Variants in S1PR2 observed in about 807,000 individuals in gnomAD.
The protein encoded by S1PR2 is sphingosine-1-phosphate receptor 2.
S1PR2 carries 9 observed loss-of-function variants against 16.1 expected under a neutral mutation model. That is an observed-to-expected ratio of 0.56 (90% CI 0.34 to 0.98). The LOEUF is 0.98. Ranked by LOEUF, S1PR2 falls within the 50% of genes least tolerant of loss-of-function variation. The pLI is 0.02. For missense variants in S1PR2, 361 were observed against 488.4 expected (o/e 0.74, Z 2.46); for synonymous variants, 224 against 233.9 (o/e 0.96, Z 0.38).
chr19:10,227,747 CT>C (rs1271197028), intron 1 of S1PR2, among the ~76,000 whole-genome samples: 1 of 152,182 alleles, frequency 6.6e-6, no homozygotes, highest in Non-Finnish European at 1.5e-5. Context: ...CGATGGGGTC[CT>C]TTATAGGCGA....
intron 1 of S1PR2, among the ~76,000 whole-genome samples, chr19:10,227,868 G>A (rs750147746): frequency 6.6e-6 from 1 of 152,124 alleles, no homozygotes; most frequent in South Asian, 2.1e-4. Context: ...CCCCCAGGCT[G>A]CCCTGGCCTG....
At chr19:10,230,844 G>T (rs910161028) in intron 1 of S1PR2, among the ~76,000 whole-genome samples, 1 of 152,230 alleles carries the variant, frequency 6.6e-6, no homozygotes, top group Non-Finnish European at 1.5e-5. Flanking sequence ...CGCTCAGCCG[G>T]AGTCAGCCAG....
chr19:10,223,684 GCCTTATCT>G lies in S1PR2; in HGVS notation c.*152_*159del. 1.5e-6 allele frequency: 1 copy of G among 671,410 alleles called. No homozygotes were observed. The highest frequency in any genetic ancestry group is 2.7e-5 in the East Asian group (1 of 36,432). The allele number at this position is 671,410 out of a possible 1,614,324, so 41.6% of individuals were successfully genotyped here. On this transcript the variant is annotated 3_prime_UTR_variant, in exon 2 of 2. Transcript: ENST00000646641. ...CAACACTGCTATGTGACTAGTCAGTGCCTTATCTGGCCTTTCCAGGTGTGAAATATTTG... is the reference window on the plus strand; with the variant it reads ...CAACACTGCTATGTGACTAGTCAGTGGGCCTTTCCAGGTGTGAAATATTTG...
chr19:10,229,795 C>T (rs186063665), intron 1 of S1PR2, among the ~76,000 whole-genome samples: 1 of 152,182 alleles, frequency 6.6e-6, no homozygotes, highest in African/African-American at 2.4e-5. Context: ...TTTCTAATCA[C>T]AGAATCTCGT....
rs570311109 is a variant in S1PR2 at position 10,226,251 on chromosome 19, T to C, written c.-42-1304A>G. ...CTTGAGGCCACGGGTGCTCCCAAGA[T>C]AAGGTCTTGGGGAGACACCAGGGCG... On this transcript the variant is annotated intron_variant, in intron 1 of 1. Coordinates refer to ENST00000646641, the MANE Select transcript of S1PR2 (RefSeq NM_004230.4). 1.2e-4 allele frequency among the ~76,000 whole-genome samples: 19 copies of C among 152,274 alleles called. 1 individual carries two copies. The South Asian group carries it at 3.9e-3, about 32-fold the overall frequency.
At position 10,224,324 on chromosome 19, in the gene S1PR2, C is replaced by A; in HGVS notation, c.582G>T (p.Val194=). ...ACAGGATGATGGAGAAGATGGTCAC[C>A]ACGCACAGCACATAATGCTTGGCGT... ...PLYAKHYVLC[V]VTIFSIILLA... Residue 194 remains valine, a synonymous_variant, in exon 2 of 2, where the codon GTG becomes GTT. Coordinates refer to ENST00000646641, the MANE Select transcript of S1PR2 (RefSeq NM_004230.4). 6.2e-7 allele frequency: 1 copy of A among 1,614,138 alleles called. No homozygotes were observed. The highest frequency in any genetic ancestry group is 8.5e-7 in the Non-Finnish European group (1 of 1,180,042).
intron 1 of S1PR2, among the ~76,000 whole-genome samples, chr19:10,230,872 C>A (rs573674327): frequency 4.6e-5 from 7 of 152,324 alleles, no homozygotes; most frequent in East Asian, 3.9e-4. Context: ...GTTGCCCCCC[C>A]CCAAACACAC....
intron 1 of S1PR2, among the ~76,000 whole-genome samples, chr19:10,229,295 ATTTTTT>A (rs923300373): frequency 1.6e-4 from 24 of 146,898 alleles, no homozygotes; most frequent in Middle Eastern, 3.6e-3. Flanking sequence ...CAAAAAAAAA[ATTTTTT>A]TTTTTTGAGA....
Position 10,230,925 on chromosome 19 carries a change from A to G in S1PR2, c.-43+279T>C, listed in dbSNP as rs555697346. Among the ~76,000 whole-genome samples, 3 of 152,198 alleles carry G rather than the reference A, an allele frequency of 2.0e-5. No individual in the cohort carries two copies. The East Asian group carries it at 5.8e-4, about 29-fold the overall frequency. On this transcript the variant is annotated intron_variant, in intron 1 of 1. Transcript: ENST00000646641. ...CCCGAGCACGGCGTCCTGCCTCCCAAAGACTCCAGTCGAAAGCGCTCGGAT... is the reference window on the plus strand; with the variant it reads ...CCCGAGCACGGCGTCCTGCCTCCCAGAGACTCCAGTCGAAAGCGCTCGGAT...
chr19:10,225,455 G>A (rs961767150), intron 1 of S1PR2, among the ~76,000 whole-genome samples: 14 of 142,136 alleles, frequency 9.8e-5, no homozygotes, highest in Admixed American at 3.7e-4. Context: ...GGAGTGCTGC[G>A]GCACGGTCTT....
chr19:10,225,017 G>A (rs150452226), intron 1 of S1PR2, 70 bp from the exon 2 acceptor site: 16 of 824,118 alleles, frequency 1.9e-5, no homozygotes, highest in Middle Eastern at 2.5e-4. Flanking sequence ...CTCTGGCCTC[G>A]GATGGGCTGA....
At chr19:10,230,117 A>T (rs564156321) in intron 1 of S1PR2, among the ~76,000 whole-genome samples, 1 of 152,330 alleles carries the variant, frequency 6.6e-6, no homozygotes, top group Middle Eastern at 3.4e-3. Context: ...CAGCGCCCCC[A>T]TCGCCCACCA....
chr19:10,223,740 G>T lies in S1PR2; in HGVS notation c.*104C>A. ...TTGCAACATCACCCAGGTCTGTGGG[G>T]CGGGGGCATCTGGCTCAGTAGCCCC... On this transcript the variant is annotated 3_prime_UTR_variant, in exon 2 of 2. Transcript: ENST00000646641. The T allele has an allele frequency of 9.5e-7, 1 of 1,052,792 alleles. No homozygotes were observed. Among genetic ancestry groups the T allele is most frequent in the Non-Finnish European group, 1.4e-6 (1 of 730,584 alleles). 65.2% of individuals were successfully genotyped at this position (1,052,792 alleles called of 1,614,324 possible).
At chr19:10,226,873 A>G (rs1214512791) in intron 1 of S1PR2, among the ~76,000 whole-genome samples, 1 of 151,908 alleles carries the variant, frequency 6.6e-6, no homozygotes. Context: ...AGGGGTGTGC[A>G]GCCCCGCCGG....
At position 10,223,646 on chromosome 19, in the gene S1PR2, C is replaced by A; in HGVS notation, c.*198G>T. ...TCACACTAGCCACTGGACTGGCCCTCAGGACCGCACTGCAACACTGCTATG... is the reference window on the plus strand; with the variant it reads ...TCACACTAGCCACTGGACTGGCCCTAAGGACCGCACTGCAACACTGCTATG... On this transcript the variant is annotated 3_prime_UTR_variant, in exon 2 of 2. Coordinates refer to ENST00000646641, the MANE Select transcript of S1PR2 (RefSeq NM_004230.4). 1 of 568,232 alleles carries A rather than the reference C, an allele frequency of 1.8e-6. No homozygotes were observed. The highest frequency in any genetic ancestry group is 3.0e-5 in the South Asian group (1 of 33,826). The allele number at this position is 568,232 out of a possible 1,614,324, so 35.2% of individuals were successfully genotyped here.
chr19:10,227,557 C>G (rs1183085515), intron 1 of S1PR2, among the ~76,000 whole-genome samples: 1 of 152,232 alleles, frequency 6.6e-6, no homozygotes, highest in Non-Finnish European at 1.5e-5. Flanking sequence ...GCAGCCAGTC[C>G]CAGGCAGGCT....
rs554534393 is a variant in S1PR2 at position 10,224,513 on chromosome 19, G to A, written c.393C>T (p.His131=). The stretch of plus-strand genomic sequence containing the variant: ...ACAGCTTGACCTTGGCAATGGCCAC[G>A]TGGCGCTCAATGGCGATGGCCAGGA... The part of the protein sequence containing the change: ...FSLLAIAIER[H]VAIAKVKLYG... Residue 131 remains histidine (H), a synonymous_variant, in exon 2 of 2, where the codon CAC becomes CAT. Coordinates refer to ENST00000646641, the MANE Select transcript of S1PR2 (RefSeq NM_004230.4). 6 of 1,613,862 alleles carry A rather than the reference G, an allele frequency of 3.7e-6. No individual in the cohort carries two copies. Among genetic ancestry groups the A allele is most frequent in the East Asian group, 4.5e-5 (2 of 44,892 alleles).
At chr19:10,227,476 G>C (rs2039642854) in intron 1 of S1PR2, among the ~76,000 whole-genome samples, 1 of 152,204 alleles carries the variant, frequency 6.6e-6, no homozygotes, top group African/African-American at 2.4e-5. Context: ...GCCCCTCCCA[G>C]ATAGCCACAC....
In S1PR2 at chr19:10,224,473, T is replaced by C. The variant is rs961671115; in HGVS notation, c.433A>G (p.Ser145Gly). 6.2e-7 allele frequency: 1 copy of C among 1,613,836 alleles called. No individual in the cohort carries two copies. ...AKVKLYGSDK[S>G]CRMLLLIGAS... ...CCGATGAGCAGAAGCATGCGGCAGC[T>C]CTTGTCGCTGCCATACAGCTTGACC... Residue 145 changes from serine (S) to glycine (G), a missense_variant, in exon 2 of 2, where the codon AGC (serine) becomes GGC (glycine). By Grantham distance (56) the Ser-to-Gly change is moderately conservative. Coordinates refer to ENST00000646641, the MANE Select transcript of S1PR2 (RefSeq NM_004230.4).
Sources: gnomAD v4.1 joint callset for allele counts (sites outside exome capture counted in the v4.1 genomes callset) on GRCh38, gnomAD v4.1.1 for gene constraint, MANE v1.5 for transcripts, NCBI Gene and HGNC (gene_info 2026-07-23, HGNC 2026-07-21) for gene names.